Variants in PDE4D observed in about 807,000 individuals in gnomAD.
PDE4D encodes the protein phosphodiesterase 4D.
PDE4D carries 24 observed loss-of-function variants against 87.4 expected under a neutral mutation model. The observed-to-expected ratio is 0.27, with a 90% CI of 0.20 to 0.39. The LOEUF (loss-of-function observed/expected upper bound fraction) is 0.39. Ranked by LOEUF, PDE4D falls within the 10% of genes least tolerant of loss-of-function variation. PDE4D has a pLI of 1.00. For synonymous variants in PDE4D, 384 were observed against 383.2 expected, an observed-to-expected ratio of 1.00 and a Z score of -0.02; for missense variants, 714 against 1,041.0, an observed-to-expected ratio of 0.69 and a Z score of 4.32.
intron 3 of PDE4D, among the ~76,000 whole-genome samples, chr5:59,973,285 T>C (rs575201755): frequency 7.9e-4 from 121 of 152,316 alleles, no homozygotes; most frequent in African/African-American, 2.8e-3. Flanking sequence ...AACCACAATT[T>C]TGTAAATCAA....
chr5:59,792,484 A>G (rs1561669712), intron 1 of PDE4D, among the ~76,000 whole-genome samples: 3 of 149,766 alleles, frequency 2.0e-5, no homozygotes. Context: ...TAAGAACACC[A>G]CATGGAAAAA....
chr5:59,331,809 A>G (rs947022557), intron 1 of PDE4D, among the ~76,000 whole-genome samples: 31 of 152,186 alleles, frequency 2.0e-4, no homozygotes, highest in African/African-American at 7.5e-4. Flanking sequence ...ACAGGCTTCT[A>G]TTTCCTACTT....
intron 1 of PDE4D, among the ~76,000 whole-genome samples, chr5:59,466,732 T>C (rs987117099): frequency 3.3e-5 from 5 of 152,210 alleles, no homozygotes; most frequent in South Asian, 4.1e-4. Context: ...GAACTGTGAA[T>C]GAAGTAAACA....
At chr5:59,527,729 G>T (rs1813414539) in intron 1 of PDE4D, among the ~76,000 whole-genome samples, 1 of 151,988 alleles carries the variant, frequency 6.6e-6, no homozygotes, top group South Asian at 2.1e-4. Flanking sequence ...TGTAGCAAGG[G>T]GCTTGTCCAT....
chr5:59,869,734 A>G (rs1294410521), intron 1 of PDE4D, among the ~76,000 whole-genome samples: 1 of 152,084 alleles, frequency 6.6e-6, no homozygotes. Flanking sequence ...GTGGAATATA[A>G]CATTTCAGGT....
At chr5:59,540,571 G>A (rs576733852) in intron 1 of PDE4D, among the ~76,000 whole-genome samples, 24 of 152,198 alleles carry the variant, frequency 1.6e-4, no homozygotes, top group African/African-American at 4.6e-4. Flanking sequence ...TGATGACAGC[G>A]TAGCCCTTTG....
At chr5:60,421,682 C>T (rs758432605) in intron 1 of PDE4D, among the ~76,000 whole-genome samples, 14 of 152,224 alleles carry the variant, frequency 9.2e-5, no homozygotes, top group South Asian at 2.1e-4. Flanking sequence ...CAAAGCTGGA[C>T]GGAGAATGAC....
chr5:59,193,837 C>T (rs1303610630), intron 2 of PDE4D: 2 of 966,570 alleles, frequency 2.1e-6, no homozygotes, highest in East Asian at 1.1e-4. Flanking sequence ...GCAGTGGGGC[C>T]TGAGTTTTAC....
At chr5:60,452,585 G>A (rs1034692998) in intron 1 of PDE4D, among the ~76,000 whole-genome samples, 16 of 151,996 alleles carry the variant, frequency 1.1e-4, no homozygotes, top group African/African-American at 3.9e-4. Context: ...TGGTACAAAA[G>A]ATATGTTTGC....
chr5:59,115,121 G>C (rs1773376889), intron 5 of PDE4D, among the ~76,000 whole-genome samples: 2 of 152,020 alleles, frequency 1.3e-5, no homozygotes, highest in Admixed American at 1.3e-4. Context: ...GAAGGGGATG[G>C]GGATTAAATT....
intron 2 of PDE4D, among the ~76,000 whole-genome samples, chr5:59,199,411 CT>C (rs927575512): frequency 1.3e-5 from 2 of 151,988 alleles, no homozygotes; most frequent in East Asian, 1.9e-4. Flanking sequence ...CTTGTGCAAA[CT>C]TTTTTCATCT....
chr5:59,689,449 A>C (rs1197622416), intron 1 of PDE4D, among the ~76,000 whole-genome samples: 1 of 152,218 alleles, frequency 6.6e-6, no homozygotes, highest in Admixed American at 6.5e-5. Context: ...CCAGCATATA[A>C]ACAGAACCAA....
Position 59,270,647 on chromosome 5 carries a change from T to C in PDE4D, c.456-54679A>G, listed in dbSNP as rs186458388. On this transcript the variant is annotated intron_variant, in intron 1 of 14. Coordinates refer to ENST00000340635, the MANE Select transcript of PDE4D (RefSeq NM_001104631.2). The stretch of plus-strand genomic sequence containing the variant: ...CCAACAGTCTTTCACAAAGCTATTT[T>C]TCAACAACCAACAACGTCAACCCTG... 6.6e-5 allele frequency among the ~76,000 whole-genome samples: 10 copies of C among 152,330 alleles called. No homozygotes were observed. The East Asian group carries it at 1.9e-3, about 29-fold the overall frequency.
chr5:60,056,649 C>T (rs1042286318), intron 2 of PDE4D, among the ~76,000 whole-genome samples: 1 of 152,006 alleles, frequency 6.6e-6, no homozygotes, highest in Non-Finnish European at 1.5e-5. Context: ...TCAAGAGGCC[C>T]AAGTTCTGGG....
intron 2 of PDE4D, among the ~76,000 whole-genome samples, chr5:60,149,737 C>T (rs1781328555): frequency 6.6e-6 from 1 of 151,012 alleles, no homozygotes; most frequent in Non-Finnish European, 1.5e-5. Flanking sequence ...ACTATGTTCC[C>T]TTCCTATGCA....
intron 1 of PDE4D, among the ~76,000 whole-genome samples, chr5:59,387,509 A>G (rs888900056): frequency 1.3e-5 from 2 of 152,172 alleles, no homozygotes; most frequent in Non-Finnish European, 2.9e-5. Context: ...TCAATGAGAA[A>G]GAAAGAGGAA....
chr5:59,493,320 T>C (rs893777007), intron 1 of PDE4D, among the ~76,000 whole-genome samples: 2 of 152,184 alleles, frequency 1.3e-5, no homozygotes, highest in African/African-American at 4.8e-5. Context: ...TGCAGAAACA[T>C]GATCAGATAC....
At chr5:60,274,345 T>C (rs896562611) in intron 1 of PDE4D, among the ~76,000 whole-genome samples, 44 of 145,084 alleles carry the variant, frequency 3.0e-4, no homozygotes, top group Non-Finnish European at 8.9e-5. Flanking sequence ...TTGTCGTTGT[T>C]GTTGTTGTTG....
chr5:59,877,419 CCAT>C (rs1408213757), intron 1 of PDE4D, among the ~76,000 whole-genome samples: 1 of 149,754 alleles, frequency 6.7e-6, no homozygotes, highest in Non-Finnish European at 1.5e-5. Context: ...CAGCAATCCA[CCAT>C]GGCACATGTA....
Sources: allele counts gnomAD v4.1 joint callset (sites outside exome capture counted in the v4.1 genomes callset), GRCh38; gene constraint gnomAD v4.1.1; transcripts MANE v1.5; gene names NCBI Gene and HGNC (gene_info 2026-07-23, HGNC 2026-07-21).